Variants in MAML1 observed in about 807,000 individuals in gnomAD.
MAML1 encodes the protein mastermind-like protein 1.
Under a neutral mutation model 77.1 loss-of-function variants are expected in MAML1, and 14 were observed. The observed-to-expected ratio is 0.18, with a 90% CI of 0.12 to 0.28. The LOEUF is 0.28. Ranked by LOEUF, MAML1 falls within the 10% of genes least tolerant of loss-of-function variation. The pLI is 1.00. For synonymous variants in MAML1, 516 were observed against 551.9 expected (o/e 0.93, Z 0.91); for missense variants, 1,217 against 1,327.8 (o/e 0.92, Z 1.30).
At position 179,765,643 on chromosome 5, in the gene MAML1, CCTGAATAAAGAA is replaced by C. The variant is rs1399362292; in HGVS notation, c.639_650del (p.Asn213_Leu216del). On this transcript the variant is annotated inframe_deletion, in exon 2 of 5. Transcript: ENST00000292599. ...ACCCCAGTGAGTCATTTCCTCTGAG[CCTGAATAAAGAA>C]CTGAAGCAGGAGCCTGTCGAAGACC... 5.6e-6 allele frequency: 9 copies of C among 1,614,166 alleles called. No individual in the cohort carries two copies. Among genetic ancestry groups the C allele is most frequent in the Non-Finnish European group, 6.8e-6 (8 of 1,180,044 alleles).
At chr5:179,753,484 GGGTGTCCAGCTT>G (rs1779545552) in intron 1 of MAML1, among the ~76,000 whole-genome samples, 1 of 152,020 alleles carries the variant, frequency 6.6e-6, no homozygotes, top group East Asian at 1.9e-4. Context: ...AAGGGAATAA[GGGTGTCCAGCTT>G]GGTCAAAGGA....
In MAML1 at chr5:179,776,792, T is replaced by G. The variant is rs1756143670; in HGVS notation, c.*1915T>G. ...GACACAGTGGGGGCTCCTCACTTGC[T>G]GCAGTGTCATAGCAATAAAATGTGA... On this transcript the variant is annotated 3_prime_UTR_variant, in exon 5 of 5. Coordinates refer to ENST00000292599, the MANE Select transcript of MAML1 (RefSeq NM_014757.5). 2 of 985,958 alleles carry G rather than the reference T, an allele frequency of 2.0e-6. No individual in the cohort carries two copies. The highest frequency in any genetic ancestry group is 2.4e-6 in the Non-Finnish European group (2 of 829,994). The allele number at this position is 985,958 out of a possible 1,614,324, so 61.1% of individuals were successfully genotyped here. A position where few individuals can be genotyped will look rare whatever the true frequency, so the allele number is the denominator to read the frequency against.
At chr5:179,768,749 G>A in intron 2 of MAML1, 101 bp from the exon 3 acceptor site, 2 of 1,437,848 alleles carry the variant, frequency 1.4e-6, no homozygotes, top group Non-Finnish European at 1.9e-6. Context: ...AAGGGAAGCA[G>A]AGACTTGGCT....
chr5:179,766,338 C>G lies in MAML1; in HGVS notation c.1328C>G (p.Pro443Arg). The change falls in exon 2 of 5, where the codon CCT becomes CGT. Residue 443 changes from proline to arginine, a missense_variant. By Grantham distance (103) the Pro-to-Arg change is moderately radical (BLOSUM62 -2). Around this residue, in one of 3 missense-constraint regions of MAML1, gnomAD observed 884 missense variants for 949.3 expected, o/e 0.93. Transcript: ENST00000292599. This position sits in a 1 kb window ranked among gnomAD's most constrained non-coding sequence, Gnocchi z 4.0. ...CCCTCCCACAGTTCCTTAGATGTCC[C>G]TTACCCCATGGAGAAGCCTGCCAGC... is the stretch of plus-strand genomic sequence containing the variant. ...TGPSHSSLDV[P>R]YPMEKPASPS... 1 of 1,607,150 alleles carries G rather than the reference C, an allele frequency of 6.2e-7. No individual in the cohort carries two copies. The highest frequency in any genetic ancestry group is 8.5e-7 in the Non-Finnish European group (1 of 1,176,166).
At chr5:179,747,186 G>C (rs376760572) in intron 1 of MAML1, among the ~76,000 whole-genome samples, 1 of 152,196 alleles carries the variant, frequency 6.6e-6, no homozygotes, top group Non-Finnish European at 1.5e-5. Context: ...TGTTTTTGCT[G>C]TTCTGTATTA....
chr5:179,733,081 GC>G lies in MAML1; in HGVS notation c.-28del. ...GTGCCAGCCGGCCCCGAGAGGCCCG[GC>G]CCCGGGCCCGGCCCGTGCAGCCCGC... On this transcript the variant is annotated 5_prime_UTR_variant, in exon 1 of 5. Transcript: ENST00000292599. 1 of 1,272,318 alleles carries G rather than the reference GC, an allele frequency of 7.9e-7. No individual in the cohort carries two copies. The highest frequency in any genetic ancestry group is 2.2e-5 in the South Asian group (1 of 45,670). The allele number at this position is 1,272,318 out of a possible 1,614,324, so 78.8% of individuals were successfully genotyped here.
chr5:179,752,195 G>A (rs1191782793), intron 1 of MAML1, among the ~76,000 whole-genome samples: 2 of 150,688 alleles, frequency 1.3e-5, no homozygotes, highest in African/African-American at 2.4e-5. Context: ...GTGTGGTGGC[G>A]CACGCCTGTA....
At chr5:179,752,055 T>C (rs965755858) in intron 1 of MAML1, among the ~76,000 whole-genome samples, 3 of 150,666 alleles carry the variant, frequency 2.0e-5, no homozygotes, top group African/African-American at 4.9e-5. Flanking sequence ...AGGCCCAGTG[T>C]GGTGGCTCAC....
Position 179,768,916 on chromosome 5 carries a change from G to T in MAML1, c.1798G>T (p.Val600Leu), listed in dbSNP as rs147913471. The change falls in exon 3 of 5, where the codon GTG (valine) becomes TTG (leucine). Residue 600 changes from valine to leucine, a missense_variant. By Grantham distance (32) the Val-to-Leu change is conservative. Around this residue, in one of 3 missense-constraint regions of MAML1, gnomAD observed 884 missense variants for 949.3 expected, o/e 0.93. Transcript: ENST00000292599. ...CAGTGTTGGGACCCAGCCGCCTGCCGTGTCCGTGGCCAGCTCCCACAACAG... is the reference window on the plus strand; with the variant it reads ...CAGTGTTGGGACCCAGCCGCCTGCCTTGTCCGTGGCCAGCTCCCACAACAG... Reference protein sequence around the residue: ...ATSVGTQPPAVSVASSHNSSP... With the variant: ...ATSVGTQPPALSVASSHNSSP... 1 of 1,614,164 alleles carries T rather than the reference G, an allele frequency of 6.2e-7. No individual in the cohort carries two copies. The highest frequency in any genetic ancestry group is 1.3e-5 in the African/African-American group (1 of 75,012).
intron 1 of MAML1, among the ~76,000 whole-genome samples, chr5:179,746,340 G>A (rs543334891): frequency 9.2e-5 from 14 of 151,702 alleles, no homozygotes; most frequent in East Asian, 5.8e-4. Context: ...GCGAGACTCC[G>A]TCTCAAAAAA....
In MAML1 at chr5:179,774,775, C is replaced by T. The variant is rs993114157; in HGVS notation, c.2949C>T (p.Leu983=). The T allele has an allele frequency of 6.8e-6, 11 of 1,613,632 alleles. No homozygotes were observed. The highest frequency in any genetic ancestry group is 5.3e-5 in the African/African-American group (4 of 74,954). The part of the protein sequence containing the change: ...AYSGQPGGSG[L]SSVAGHTDLI... ...GCGGGCAGCCAGGTGGCAGTGGGCT[C>T]TCTAGTGTGGCTGGACACACCGATC... Residue 983 remains leucine, a synonymous_variant, in exon 5 of 5, where the codon CTC becomes CTT. Coordinates refer to ENST00000292599, the MANE Select transcript of MAML1 (RefSeq NM_014757.5).
intron 1 of MAML1, among the ~76,000 whole-genome samples, chr5:179,746,823 A>T (rs943472668): frequency 5.3e-5 from 8 of 152,352 alleles, no homozygotes; most frequent in Middle Eastern, 3.4e-3. Context: ...TTGCAAAAGG[A>T]TTTATCTAGT....
At position 179,774,180 on chromosome 5, in the gene MAML1, C is replaced by A. The variant is rs1756073811; in HGVS notation, c.2354C>A (p.Thr785Asn). ...TNGHAHIPRQ[T>N]NVGQNTSVSA... ...GGACATGCCCACATTCCACGGCAGA[C>A]CAACGTGGGCCAGAACACCTCCGTC... is the stretch of plus-strand genomic sequence containing the variant. The change falls in exon 5 of 5, where the codon ACC becomes AAC. Residue 785 changes from threonine (T) to asparagine (N), a missense_variant. By Grantham distance (65) the Thr-to-Asn change is moderately conservative. Around this residue, in one of 3 missense-constraint regions of MAML1, gnomAD observed 884 missense variants for 949.3 expected, o/e 0.93. Transcript: ENST00000292599. 6.2e-7 allele frequency: 1 copy of A among 1,613,500 alleles called. No homozygotes were observed. The highest frequency in any genetic ancestry group is 8.5e-7 in the Non-Finnish European group (1 of 1,180,004).
At chr5:179,772,865 A>C (rs1168728020) in intron 4 of MAML1, among the ~76,000 whole-genome samples, 1 of 152,036 alleles carries the variant, frequency 6.6e-6, no homozygotes, top group African/African-American at 2.4e-5. Flanking sequence ...CTCTCAGTCC[A>C]GCCACTCTTG....
intron 1 of MAML1, among the ~76,000 whole-genome samples, chr5:179,756,583 G>T (rs1012421606): frequency 5.9e-5 from 9 of 152,096 alleles, no homozygotes; most frequent in Non-Finnish European, 1.3e-4. Flanking sequence ...GCCTTTATGT[G>T]CCAGGTTAAG....
Position 179,733,381 on chromosome 5 carries a change from C to A in MAML1, c.269C>A (p.Pro90Gln). ...ATAPAPAAPA[P>Q]RLDAADGPEH... ...GCCCCGGCGCCCGCCGCCCCGGCCCCGCGCCTGGACGCCGCTGACGGCCCC... is the reference window on the plus strand; with the variant it reads ...GCCCCGGCGCCCGCCGCCCCGGCCCAGCGCCTGGACGCCGCTGACGGCCCC... The change falls in exon 1 of 5, where the codon CCG (proline) becomes CAG (glutamine). Residue 90 changes from proline (P) to glutamine (Q), a missense_variant. By Grantham distance (76) the Pro-to-Gln change is moderately conservative (BLOSUM62 -1). Around this residue, in one of 3 missense-constraint regions of MAML1, gnomAD observed 312 missense variants for 331.4 expected, o/e 0.94. Transcript: ENST00000292599. The A allele has an allele frequency of 8.4e-7, 1 of 1,196,330 alleles. No homozygotes were observed. The highest frequency in any genetic ancestry group is 1.0e-6 in the Non-Finnish European group (1 of 970,760). The allele number at this position is 1,196,330 out of a possible 1,614,324, so 74.1% of individuals were successfully genotyped here. A position where few individuals can be genotyped will look rare whatever the true frequency, so the allele number is the denominator to read the frequency against.
chr5:179,752,346 A>ATATATATATATATAT (rs1472280681), intron 1 of MAML1, among the ~76,000 whole-genome samples: 7 of 90,714 alleles, frequency 7.7e-5, no homozygotes, highest in Admixed American at 1.5e-4. Context: ...AAAAAAAAAA[A>ATATATATATATATAT]AAAAATATAT....
At chr5:179,749,229 C>T (rs559520535) in intron 1 of MAML1, among the ~76,000 whole-genome samples, 2 of 152,220 alleles carry the variant, frequency 1.3e-5, no homozygotes, top group East Asian at 1.9e-4. Context: ...TGGGTTCAAG[C>T]GATTCTCCTG....
chr5:179,767,448 CATT>C (rs1230179248), intron 2 of MAML1, among the ~76,000 whole-genome samples: 1 of 152,140 alleles, frequency 6.6e-6, no homozygotes, highest in Admixed American at 6.5e-5. Flanking sequence ...AGTCATTTGA[CATT>C]ATGTATTTTT....
Sources: gnomAD v4.1 joint callset for allele counts (sites outside exome capture counted in the v4.1 genomes callset) on GRCh38, gnomAD v4.1.1 for gene constraint, gnomAD v4.1.1 regional missense constraint, Gnocchi (gnomAD v3.1) non-coding constraint, MANE v1.5 for transcripts, NCBI Gene and HGNC (gene_info 2026-07-23, HGNC 2026-07-21) for gene names.